The following CRB2 variants were observed in gnomAD, a reference collection of about 807,000 sequenced individuals.
The protein encoded by CRB2 is protein crumbs homolog 2.
Under a neutral mutation model 110.9 loss-of-function variants are expected in CRB2, and 85 were observed. The observed-to-expected ratio is 0.77, with a 90% CI of 0.64 to 0.92. The LOEUF (loss-of-function observed/expected upper bound fraction) is 0.92, where lower values mean the gene tolerates loss of function less well. Among genes scored for constraint, CRB2 ranks in the 40% least tolerant of loss-of-function variants. The pLI, the probability that CRB2 is intolerant of heterozygous loss-of-function variation, is 0.00. For synonymous variants in CRB2, 907 were observed against 831.0 expected (o/e 1.09, Z -1.57); for missense variants, 1,843 against 1,851.3 (o/e 1.00, Z 0.08).
chr9:123,373,641 C>G lies in CRB2; in HGVS notation c.3110C>G (p.Ala1037Gly). Residue 1037 changes from alanine to glycine, a missense_variant, in exon 10 of 13, where the codon GCC (alanine) becomes GGC (glycine). By Grantham distance (60) the Ala-to-Gly change is moderately conservative (BLOSUM62 0). Coordinates refer to ENST00000373631, the MANE Select transcript of CRB2 (RefSeq NM_173689.7). ...ARPRPGAAPG[A>G]REHFASWPGT... ...CCCCGGCCCGGCGCGGCCCCTGGCG[C>G]CCGAGAGCACTTCGCGTCTTGGCCT... The G allele has an allele frequency of 1.4e-6, 2 of 1,395,624 alleles. No homozygotes were observed. Among genetic ancestry groups the G allele is most frequent in the South Asian group, 1.6e-5 (1 of 62,716 alleles). 86.5% of individuals were successfully genotyped at this position (1,395,624 alleles called of 1,614,324 possible).
At position 123,359,074 on chromosome 9, in the gene CRB2, G is replaced by C. The variant is rs75906909; in HGVS notation, c.94+2720G>C. ...GTTGGTCAGTGCCAGGCACAGGGTA[G>C]GTGCTCCGTCCCTGACAGCTATTGT... On this transcript the variant is annotated intron_variant, in intron 1 of 12. Transcript: ENST00000373631. Among the ~76,000 whole-genome samples the C allele has an allele frequency of 8.1e-3, 1,239 of 152,288 alleles. 12 individuals are homozygous for C. The highest frequency in any genetic ancestry group is 0.029 in the African/African-American group (1,187 of 41,544).
intron 1 of CRB2, among the ~76,000 whole-genome samples, chr9:123,359,685 A>T (rs10156609): frequency 0.12 from 18,044 of 151,860 alleles, 1,189 homozygotes; most frequent in Admixed American, 0.19. Flanking sequence ...CCTGGCCTGA[A>T]GTGATCCTCC....
chr9:123,358,372 A>G (rs1369217696), intron 1 of CRB2, among the ~76,000 whole-genome samples: 1 of 152,124 alleles, frequency 6.6e-6, no homozygotes, highest in Non-Finnish European at 1.5e-5. Context: ...CCTTCCCCAA[A>G]CACCCAGGGA....
At position 123,366,217 on chromosome 9, in the gene CRB2, C is replaced by T; in HGVS notation, c.615-10C>T. ...GCGCGCGCTCAGCTCCGCCGGTGCGCCCTCCCCAGGTTCCGGTGCGACTGC... is the reference window on the plus strand; with the variant it reads ...GCGCGCGCTCAGCTCCGCCGGTGCGTCCTCCCCAGGTTCCGGTGCGACTGC... On this transcript the variant is annotated splice_polypyrimidine_tract_variant and intron_variant, in intron 3 of 12. Coordinates refer to ENST00000373631, the MANE Select transcript of CRB2 (RefSeq NM_173689.7). The T allele has an allele frequency of 2.8e-6, 4 of 1,432,744 alleles. No individual in the cohort carries two copies. Among genetic ancestry groups the T allele is most frequent in the East Asian group, 3.0e-5 (1 of 32,990 alleles). The allele number at this position is 1,432,744 out of a possible 1,614,324, so 88.8% of individuals were successfully genotyped here.
chr9:123,361,135 G>A (rs984818873), intron 1 of CRB2, among the ~76,000 whole-genome samples: 4 of 67,638 alleles, frequency 5.9e-5, no homozygotes, highest in African/African-American at 1.2e-4. Context: ...GGATGGGCGG[G>A]GAGGGGGGGG....
intron 1 of CRB2, among the ~76,000 whole-genome samples, chr9:123,361,590 A>G (rs896953367): frequency 3.4e-5 from 1 of 29,082 alleles, no homozygotes; most frequent in Non-Finnish European, 6.4e-5. Context: ...GGGGAGGGGC[A>G]CCTTTGGGAG....
chr9:123,362,512 G>C (rs2041879887), intron 1 of CRB2, among the ~76,000 whole-genome samples: 1 of 152,222 alleles, frequency 6.6e-6, no homozygotes, highest in Admixed American at 6.5e-5. Flanking sequence ...TCCTTTTGCT[G>C]TCTGGTGCAA....
intron 1 of CRB2, among the ~76,000 whole-genome samples, chr9:123,359,860 A>C (rs2041847248): frequency 1.3e-5 from 2 of 152,096 alleles, no homozygotes; most frequent in Admixed American, 1.3e-4. Context: ...GGGATTACTG[A>C]CAGCTGGGTT....
rs2041921787 is a variant in CRB2, at chr9:123,365,775, C to T, written c.419-142C>T. On this transcript the variant is annotated intron_variant, in intron 2 of 12. Transcript: ENST00000373631. ...GCGGTTGCTGGCATGACCCGTCCCC[C>T]ACCCCCCAACCACCACCACCACCAT... The T allele has an allele frequency of 1.2e-5, 9 of 745,504 alleles. No individual in the cohort carries two copies. The South Asian group carries it at 2.0e-4, about 17-fold the overall frequency. The allele number at this position is 745,504 out of a possible 1,614,324, so 46.2% of individuals were successfully genotyped here.
In CRB2 at chr9:123,370,987, A is replaced by C. The variant is rs2042007106; in HGVS notation, c.1927+7A>C. The C allele has an allele frequency of 6.3e-7, 1 of 1,599,678 alleles. No homozygotes were observed. On this transcript the variant is annotated splice_region_variant and intron_variant, in intron 7 of 12. Coordinates refer to ENST00000373631, the MANE Select transcript of CRB2 (RefSeq NM_173689.7). ...GGTCCCACGTGCGCTGATGGTGAGG[A>C]ATAAGCCAGGTGGGAAGGCAGCACC...
upstream of CRB2, among the ~76,000 whole-genome samples, chr9:123,354,347 T>C (rs1200279683): frequency 1.3e-5 from 2 of 152,246 alleles, no homozygotes; most frequent in Admixed American, 6.5e-5. Context: ...TTTGTGTCTG[T>C]GCATCCAGAG....
At position 123,370,634 on chromosome 9, in the gene CRB2, T is replaced by C. The variant is rs1288634122; in HGVS notation, c.1581T>C (p.His527=). 1.2e-6 allele frequency: 2 copies of C among 1,610,674 alleles called. No individual in the cohort carries two copies. The highest frequency in any genetic ancestry group is 1.7e-6 in the Non-Finnish European group (2 of 1,180,002). The change falls in exon 7 of 13, where the codon CAT becomes CAC. Residue 527 remains histidine, a synonymous_variant. Transcript: ENST00000373631. ...GHWHQVEVVL[H]LATLELRLWH... ...GGCACCAGGTGGAGGTTGTGCTCCA[T>C]CTAGCGACCCTGGAGCTACGGCTCT... is the stretch of plus-strand genomic sequence containing the variant.
Position 123,372,248 on chromosome 9 carries a change from T to G in CRB2, c.2508T>G (p.Asn836Lys), listed in dbSNP as rs2042027299. 1.2e-6 allele frequency: 2 copies of G among 1,614,096 alleles called. No individual in the cohort carries two copies. Among genetic ancestry groups the G allele is most frequent in the Non-Finnish European group, 1.7e-6 (2 of 1,179,998 alleles). The change falls in exon 9 of 13, where the codon AAT (asparagine) becomes AAG (lysine). Residue 836 changes from asparagine to lysine, a missense_variant. Physicochemically the swap from Asn to Lys is moderately conservative, Grantham distance 94 (BLOSUM62 0). Coordinates refer to ENST00000373631, the MANE Select transcript of CRB2 (RefSeq NM_173689.7). ...ACTTCCACTGTACCTGCCCTGCCAA[T>G]TTCACGGGGCCTACGTGTGCCCAGC... ...WNDFHCTCPANFTGPTCAQQL... is the reference protein window; with the variant it reads ...WNDFHCTCPAKFTGPTCAQQL...
intron 2 of CRB2, 105 bp from the exon 3 acceptor site, chr9:123,365,812 T>A: frequency 3.7e-6 from 3 of 808,010 alleles, no homozygotes; most frequent in African/African-American, 1.8e-5. Flanking sequence ...CGGCTCTGAA[T>A]GAATGAATCC....
In CRB2 at chr9:123,373,929, G is replaced by A; in HGVS notation, c.3389+9G>A. 1 of 1,549,256 alleles carries A rather than the reference G, an allele frequency of 6.5e-7. No homozygotes were observed. Among genetic ancestry groups the A allele is most frequent in the South Asian group, 1.2e-5 (1 of 84,064 alleles). ...GGGGGCCCGCGCTGCAGGTGGGATGGCTGGGCAGGGGGGTGGGCTGCGAAT... is the reference window on the plus strand; with the variant it reads ...GGGGGCCCGCGCTGCAGGTGGGATGACTGGGCAGGGGGGTGGGCTGCGAAT... On this transcript the variant is annotated intron_variant, in intron 10 of 12. Coordinates refer to ENST00000373631, the MANE Select transcript of CRB2 (RefSeq NM_173689.7).
At chr9:123,379,245 T>C (rs1588229075), downstream of CRB2, among the ~76,000 whole-genome samples, 1 of 151,922 alleles carries the variant, frequency 6.6e-6, no homozygotes, top group East Asian at 1.9e-4. Context: ...TGGTCTGCAT[T>C]CCCCCGCCCG....
chr9:123,356,393 G>T lies in CRB2; in HGVS notation c.94+39G>T, dbSNP rs1414053484. 2.7e-6 allele frequency: 4 copies of T among 1,468,670 alleles called. No individual in the cohort carries two copies. The East Asian group carries it at 9.9e-5, about 37-fold the overall frequency. 91.0% of individuals were successfully genotyped at this position (1,468,670 alleles called of 1,614,324 possible). A position where few individuals can be genotyped will look rare whatever the true frequency, so the allele number is the denominator to read the frequency against. ...CATGTCTGGAGGGGCCTGGGAGAGG[G>T]TCTGTCCCCCAAGACAGATACCCCA... is the stretch of plus-strand genomic sequence containing the variant. On this transcript the variant is annotated intron_variant, in intron 1 of 12. Coordinates refer to ENST00000373631, the MANE Select transcript of CRB2 (RefSeq NM_173689.7).
In CRB2 at chr9:123,375,238, C is replaced by G. The variant is rs768097727; in HGVS notation, c.3528C>G (p.Pro1176=). 1.9e-6 allele frequency: 3 copies of G among 1,612,640 alleles called. No individual in the cohort carries two copies. The highest frequency in any genetic ancestry group is 2.2e-5 in the South Asian group (2 of 90,856). ...CCAGGTGTCAGGTCCCCACTCTCCC[C>G]TGTGAAGCCAACCCCTGCTTGAATG... The part of the protein sequence containing the change: ...AGQRCQVPTL[P]CEANPCLNGG... Residue 1176 remains proline, a synonymous_variant, in exon 12 of 13, where the codon CCC becomes CCG. Transcript: ENST00000373631.
chr9:123,375,590 T>C (rs779114264), intron 12 of CRB2, among the ~76,000 whole-genome samples: 18 of 152,200 alleles, frequency 1.2e-4, no homozygotes, highest in Non-Finnish European at 2.4e-4. Flanking sequence ...GGTCAGCGGC[T>C]TCCTCAGAGT....
Sources: allele counts gnomAD v4.1 joint callset (sites outside exome capture counted in the v4.1 genomes callset), GRCh38; gene constraint gnomAD v4.1.1; transcripts MANE v1.5; gene names NCBI Gene and HGNC (gene_info 2026-07-23, HGNC 2026-07-21).